Variants in NSD3 observed in about 807,000 individuals in gnomAD.
The protein encoded by NSD3 is histone-lysine N-methyltransferase NSD3.
Under a neutral mutation model 160.8 loss-of-function variants are expected in NSD3, and 24 were observed. The ratio of observed to expected loss-of-function variants is 0.15; its 90% CI spans 0.11 to 0.21. The LOEUF (loss-of-function observed/expected upper bound fraction) is 0.21, where lower values mean the gene tolerates loss of function less well. Ranked by LOEUF, NSD3 falls within the 10% of genes least tolerant of loss-of-function variation. The pLI is 1.00. For synonymous variants in NSD3, 520 were observed against 600.0 expected (o/e 0.87, Z 1.95); for missense variants, 1,157 against 1,735.9 (o/e 0.67, Z 5.93).
chr8:38,313,362 T>C (rs530668883), intron 12 of NSD3, among the ~76,000 whole-genome samples: 2 of 152,332 alleles, frequency 1.3e-5, no homozygotes, highest in East Asian at 1.9e-4. Context: ...AGAGTCATCA[T>C]GGGCTATCTT....
rs992266597 is a variant in NSD3 at position 38,271,398 on chromosome 8, T to C, written c.*4243A>G. 3 of 151,204 alleles carry C rather than the reference T, an allele frequency of 2.0e-5. No individual in the cohort carries two copies. In the East Asian group the frequency reaches 5.8e-4, roughly 29 times the overall value. 9.4% of individuals were successfully genotyped at this position (151,204 alleles called of 1,614,324 possible). ...TATTTCGTACCTGTGGTAAACATTA[T>C]CCCCCCCCTTACCCTTTACCAGGAG... On this transcript the variant is annotated 3_prime_UTR_variant, in exon 24 of 24. Transcript: ENST00000317025.
chr8:38,371,483 C>T (rs1445279369), intron 1 of NSD3, among the ~76,000 whole-genome samples: 1 of 152,158 alleles, frequency 6.6e-6, no homozygotes, highest in East Asian at 1.9e-4. Context: ...ATGATTACTT[C>T]CACATCTAGG....
chr8:38,271,217 A>T lies in NSD3; in HGVS notation c.*4424T>A, dbSNP rs1018632431. On this transcript the variant is annotated 3_prime_UTR_variant, in exon 24 of 24. Transcript: ENST00000317025. ...TCACCTTTAATCCACGCTAAAGAGGATAAGAGACTAGGCTATTTATTTTCA... is the reference window on the plus strand; with the variant it reads ...TCACCTTTAATCCACGCTAAAGAGGTTAAGAGACTAGGCTATTTATTTTCA... 3.9e-5 allele frequency: 6 copies of T among 152,332 alleles called. No homozygotes were observed. In the South Asian group the frequency reaches 1.2e-3, roughly 32 times the overall value. 9.4% of individuals were successfully genotyped at this position (152,332 alleles called of 1,614,324 possible).
intron 19 of NSD3, among the ~76,000 whole-genome samples, chr8:38,284,047 G>A (rs1479718000): frequency 2.6e-5 from 4 of 152,100 alleles, no homozygotes; most frequent in African/African-American, 9.7e-5. Flanking sequence ...AGGCTGCAGC[G>A]AGCTGTGACT....
chr8:38,275,639 A>AT lies in NSD3; in HGVS notation c.*1dup. 1 of 1,612,982 alleles carries AT rather than the reference A, an allele frequency of 6.2e-7. No individual in the cohort carries two copies. Among genetic ancestry groups the AT allele is most frequent in the East Asian group, 2.2e-5 (1 of 44,884 alleles). ...AAATAGAAAGGAGGGGACACCACAC[A>AT]TTTATTCTTTTACTTCTTCTCCATG... On this transcript the variant is annotated 3_prime_UTR_variant, in exon 24 of 24. Transcript: ENST00000317025.
At chr8:38,349,691 ATG>A (rs201357256) in intron 1 of NSD3, among the ~76,000 whole-genome samples, 17,243 of 98,806 alleles carry the variant, frequency 0.17, 1,393 homozygotes, top group East Asian at 0.19. Context: ...ATATATATAT[ATG>A]TATTTATTAT....
At chr8:38,285,411 G>A (rs780965806) in intron 19 of NSD3, among the ~76,000 whole-genome samples, 6 of 152,124 alleles carry the variant, frequency 3.9e-5, no homozygotes, top group Non-Finnish European at 7.3e-5. Flanking sequence ...TAAATACCCC[G>A]AATATCTTTT....
rs757896677 is a variant in NSD3 at position 38,275,115 on chromosome 8, A to G, written c.*526T>C. 4.3e-6 allele frequency: 1 copy of G among 233,344 alleles called. No individual in the cohort carries two copies. The highest frequency in any genetic ancestry group is 1.8e-4 in the South Asian group (1 of 5,580). 14.5% of individuals were successfully genotyped at this position (233,344 alleles called of 1,614,324 possible). A position where few individuals can be genotyped will look rare whatever the true frequency, so the allele number is the denominator to read the frequency against. ...AAGGGAAAGAGAAGTGAGCCTACCT[A>G]CTGCTCAGTAAAGAGGTATATAAAG... On this transcript the variant is annotated 3_prime_UTR_variant, in exon 24 of 24. Transcript: ENST00000317025.
intron 6 of NSD3, 26 bp from the exon 7 acceptor site, chr8:38,326,882 C>A (rs1809925252): frequency 1.9e-6 from 3 of 1,611,562 alleles, no homozygotes; most frequent in Non-Finnish European, 2.5e-6. Context: ...AAAGAAAAAA[C>A]AACAAAACAG....
intron 14 of NSD3, among the ~76,000 whole-genome samples, chr8:38,300,596 T>C (rs1022250692): frequency 1.2e-4 from 19 of 152,216 alleles, no homozygotes; most frequent in African/African-American, 4.6e-4. Flanking sequence ...ATCTTTTTGA[T>C]CTACCAATTA....
chr8:38,286,709 CCTT>C lies in NSD3; in HGVS notation c.3501+1775_3501+1777del, dbSNP rs368530055. On this transcript the variant is annotated intron_variant, in intron 19 of 23. Coordinates refer to ENST00000317025, the MANE Select transcript of NSD3 (RefSeq NM_023034.2). The stretch of plus-strand genomic sequence containing the variant: ...ACCATCCTATCTAGCCAGTGGCTGA[CCTT>C]CTCACCGCAGCTCCTCTCTTTCCTC... 1.9e-3 allele frequency among the ~76,000 whole-genome samples: 294 copies of C among 152,298 alleles called. 1 individual carries two copies. In the East Asian group the frequency reaches 0.022, roughly 11 times the overall value.
At chr8:38,369,276 T>C (rs1467831535) in intron 1 of NSD3, among the ~76,000 whole-genome samples, 1 of 152,212 alleles carries the variant, frequency 6.6e-6, no homozygotes, top group East Asian at 1.9e-4. Context: ...TCACATCACC[T>C]GTTTGTTTAA....
chr8:38,327,016 TAA>T (rs1191125538), intron 6 of NSD3, among the ~76,000 whole-genome samples, 160 bp from the exon 7 acceptor site: 5 of 152,168 alleles, frequency 3.3e-5, no homozygotes, highest in Non-Finnish European at 7.3e-5. Context: ...GAAATTTGAT[TAA>T]GTGATCAAGA....
chr8:38,323,190 G>A (rs1414894577), intron 7 of NSD3, among the ~76,000 whole-genome samples: 1 of 152,108 alleles, frequency 6.6e-6, no homozygotes, highest in African/African-American at 2.4e-5. Context: ...GAGTAGCTGG[G>A]ATTACAGGCG....
chr8:38,337,275 T>A (rs1305778214), intron 4 of NSD3, 30 bp downstream of exon 4: 3 of 1,527,578 alleles, frequency 2.0e-6, no homozygotes, highest in Non-Finnish European at 2.6e-6. Context: ...TCCAACCTTT[T>A]ACTTAGTATC....
intron 20 of NSD3, among the ~76,000 whole-genome samples, 155 bp downstream of exon 20, chr8:38,281,312 T>C (rs1003112724): frequency 6.6e-6 from 1 of 152,176 alleles, no homozygotes; most frequent in African/African-American, 2.4e-5. Flanking sequence ...TCTGGTATAA[T>C]TGGCACATTA....
chr8:38,290,008 G>A (rs1347911799), intron 17 of NSD3, among the ~76,000 whole-genome samples: 1 of 152,118 alleles, frequency 6.6e-6, no homozygotes, highest in Admixed American at 6.5e-5. Flanking sequence ...TTGAACCCAG[G>A]AGTTCAAGAC....
intron 1 of NSD3, among the ~76,000 whole-genome samples, chr8:38,366,939 G>A (rs1811120139): frequency 6.6e-6 from 1 of 152,082 alleles, no homozygotes; most frequent in Admixed American, 6.5e-5. Context: ...ATTAGACAGT[G>A]CTGATCTACA....
rs1203590252 is a variant in NSD3 at position 38,270,588 on chromosome 8, T to C, written c.*5053A>G. On this transcript the variant is annotated 3_prime_UTR_variant, in exon 24 of 24. Transcript: ENST00000317025. The stretch of plus-strand genomic sequence containing the variant: ...AGTTTTATCCAGTCCATTTCTAAAC[T>C]GACAAGAATACCTTATTCAATACCT... 2 of 152,224 alleles carry C rather than the reference T, an allele frequency of 1.3e-5. No individual in the cohort carries two copies. Among genetic ancestry groups the C allele is most frequent in the African/African-American group, 2.4e-5 (1 of 41,434 alleles). The allele number at this position is 152,224 out of a possible 1,614,324, so 9.4% of individuals were successfully genotyped here. A position where few individuals can be genotyped will look rare whatever the true frequency, so the allele number is the denominator to read the frequency against.
Sources: gnomAD v4.1 joint callset for allele counts (sites outside exome capture counted in the v4.1 genomes callset) on GRCh38, gnomAD v4.1.1 for gene constraint, MANE v1.5 for transcripts, NCBI Gene and HGNC (gene_info 2026-07-23, HGNC 2026-07-21) for gene names.